Variants in AKR1C4 observed in about 807,000 individuals in gnomAD.
AKR1C4 encodes the protein aldo-keto reductase family 1 member C4, also known as 3-alpha-HSD1.
A neutral mutation model predicts 41.0 loss-of-function variants in AKR1C4; 44 were observed. That is an observed-to-expected ratio of 1.07 (90% CI 0.84 to 1.38). The LOEUF (loss-of-function observed/expected upper bound fraction) is 1.38. AKR1C4 is among the 40% of genes most tolerant of loss of function. The pLI is 0.00. For synonymous variants in AKR1C4, 165 were observed against 137.7 expected (o/e 1.20, Z -1.39); for missense variants, 438 against 387.9 (o/e 1.13, Z -1.09).
At chr10:5,212,499 C>T in intron 5 of AKR1C4, 117 bp from the exon 6 acceptor site, 2 of 928,698 alleles carry the variant, frequency 2.2e-6, no homozygotes, top group Non-Finnish European at 3.1e-6. Context: ...ATGATTGTTA[C>T]TTGACAGTAA....
At chr10:5,211,573 G>A (rs181735206) in intron 5 of AKR1C4, among the ~76,000 whole-genome samples, 21 of 152,260 alleles carry the variant, frequency 1.4e-4, no homozygotes, top group African/African-American at 5.1e-4. Flanking sequence ...GTTACTATCA[G>A]TATTTTTGTC....
chr10:5,203,926 G>C (rs1458313152), intron 2 of AKR1C4, among the ~76,000 whole-genome samples: 1 of 152,190 alleles, frequency 6.6e-6, no homozygotes, highest in Non-Finnish European at 1.5e-5. Context: ...GGGAGGCAGG[G>C]AGATGCAACA....
chr10:5,206,458 C>G (rs2132130910), intron 5 of AKR1C4, 61 bp downstream of exon 5: 3 of 1,607,634 alleles, frequency 1.9e-6, no homozygotes, highest in Non-Finnish European at 1.7e-6. Context: ...GTCCTACTGC[C>G]TGGCTTCCAT....
At chr10:5,212,952 A>G (rs1554798098) in intron 6 of AKR1C4, 42 bp from the exon 7 acceptor site, 1 of 1,605,274 alleles carries the variant, frequency 6.2e-7, no homozygotes, top group East Asian at 2.2e-5. Flanking sequence ...TACCAAACTG[A>G]ATCCAGCCTC....
At chr10:5,209,241 G>A (rs1243161940) in intron 5 of AKR1C4, among the ~76,000 whole-genome samples, 2 of 152,100 alleles carry the variant, frequency 1.3e-5, no homozygotes, top group South Asian at 2.1e-4. Flanking sequence ...TGAAATAAGA[G>A]GGAAAGTTAT....
chr10:5,212,089 A>C (rs931689847), intron 5 of AKR1C4, among the ~76,000 whole-genome samples: 1 of 152,226 alleles, frequency 6.6e-6, no homozygotes, highest in African/African-American at 2.4e-5. Context: ...GCCAAAACAT[A>C]TGAATCACCA....
rs1248721034 is a variant in AKR1C4 at position 5,206,388 on chromosome 10, C to G, written c.561C>G (p.Val187=). The G allele has an allele frequency of 2.5e-6, 4 of 1,614,092 alleles. No homozygotes were observed. The highest frequency in any genetic ancestry group is 2.2e-5 in the East Asian group (1 of 44,878). ...LNKPGLKYKP[V]CNQVECHPYL... ...AGCCAGGACTCAAGTACAAGCCTGT[C>G]TGCAACCAGGTGAGCACCCTCAGCC... Residue 187 remains valine, a synonymous_variant, in exon 5 of 9, where the codon GTC becomes GTG. Coordinates refer to ENST00000263126, the MANE Select transcript of AKR1C4 (RefSeq NM_001818.5).
chr10:5,204,948 A>G (rs1372114856), intron 3 of AKR1C4, among the ~76,000 whole-genome samples: 1 of 152,218 alleles, frequency 6.6e-6, no homozygotes, highest in Non-Finnish European at 1.5e-5. Flanking sequence ...ATAGGACCTG[A>G]GAATCCTTGC....
chr10:5,207,215 C>CA, intron 5 of AKR1C4: 1 of 181,900 alleles, frequency 5.5e-6, no homozygotes. Flanking sequence ...ATCCTGCCTT[C>CA]ACTTCAGTCC....
At chr10:5,214,545 A>G (rs1453409058) in intron 7 of AKR1C4, among the ~76,000 whole-genome samples, 8 of 152,188 alleles carry the variant, frequency 5.3e-5, no homozygotes, top group South Asian at 2.1e-4. Context: ...ACCATAGACC[A>G]TATGAATATT....
chr10:5,205,871 C>T (rs1266440952), intron 4 of AKR1C4, 37 bp downstream of exon 4: 1 of 1,579,448 alleles, frequency 6.3e-7, no homozygotes, highest in Non-Finnish European at 8.7e-7. Flanking sequence ...AAAAGGAAGA[C>T]AAGAAGAGGT....
chr10:5,212,474 C>A, intron 5 of AKR1C4, 142 bp from the exon 6 acceptor site: 2 of 819,990 alleles, frequency 2.4e-6, no homozygotes, highest in Non-Finnish European at 3.6e-6. Context: ...GTAATATAAA[C>A]TGTATTTTTA....
intron 5 of AKR1C4, among the ~76,000 whole-genome samples, chr10:5,208,407 T>C (rs1832521379): frequency 1.3e-5 from 2 of 151,650 alleles, no homozygotes; most frequent in African/African-American, 2.4e-5. Flanking sequence ...ATTATTATTA[T>C]GACAACTTTC....
At chr10:5,209,007 G>A (rs1832530893) in intron 5 of AKR1C4, among the ~76,000 whole-genome samples, 1 of 151,738 alleles carries the variant, frequency 6.6e-6, no homozygotes, top group South Asian at 2.1e-4. Flanking sequence ...TAGATTAGAA[G>A]TTATACTTGA....
chr10:5,213,855 T>C (rs1554798209), intron 7 of AKR1C4, among the ~76,000 whole-genome samples: 1 of 152,154 alleles, frequency 6.6e-6, no homozygotes, highest in Non-Finnish European at 1.5e-5. Flanking sequence ...AAATGTATTG[T>C]TGAAATAGCC....
chr10:5,213,277 A>G, intron 7 of AKR1C4, 118 bp downstream of exon 7: 1 of 1,461,148 alleles, frequency 6.8e-7, no homozygotes, highest in South Asian at 1.4e-5. Context: ...CCTATGCACA[A>G]ATGCTTTGTG....
chr10:5,200,050 C>A, intron 1 of AKR1C4, 131 bp from the exon 2 acceptor site: 1 of 1,163,384 alleles, frequency 8.6e-7, no homozygotes. Context: ...CCCTAGAGGT[C>A]TGAGCAGCGG....
chr10:5,207,848 G>T lies in AKR1C4; in HGVS notation c.570+1451G>T, dbSNP rs573939447. 4.3e-5 allele frequency: 11 copies of T among 254,806 alleles called. No individual in the cohort carries two copies. The Admixed American group carries it at 4.5e-4, about 10-fold the overall frequency. The allele number at this position is 254,806 out of a possible 1,614,324, so 15.8% of individuals were successfully genotyped here. A position where few individuals can be genotyped will look rare whatever the true frequency, so the allele number is the denominator to read the frequency against. On this transcript the variant is annotated intron_variant, in intron 5 of 8. Transcript: ENST00000263126. The stretch of plus-strand genomic sequence containing the variant: ...CCTAGTTTTCCTGTATGCCCTCCTG[G>T]GTGCTATCAAAGCTTCATTTCATTG...
intron 8 of AKR1C4, 109 bp downstream of exon 8, chr10:5,216,902 G>C: frequency 8.5e-6 from 6 of 705,054 alleles, no homozygotes; most frequent in Non-Finnish European, 1.5e-5. Flanking sequence ...GTGCAAGTGA[G>C]AGGTGAGACA....
Sources: gnomAD v4.1 joint callset for allele counts (sites outside exome capture counted in the v4.1 genomes callset) on GRCh38, gnomAD v4.1.1 for gene constraint, MANE v1.5 for transcripts, NCBI Gene and HGNC (gene_info 2026-07-23, HGNC 2026-07-21) for gene names.